LARP4: variants seen among roughly 807,000 people sequenced by gnomAD.
LARP4 encodes the protein La ribonucleoprotein 4.
A neutral mutation model predicts 92.9 loss-of-function variants in LARP4; 29 were observed. The ratio of observed to expected loss-of-function variants is 0.31; its 90% CI spans 0.23 to 0.43. The LOEUF (loss-of-function observed/expected upper bound fraction) is 0.43, where lower values mean the gene tolerates loss of function less well. LARP4 is among the 20% of genes least tolerant of loss of function. The probability of loss-of-function intolerance (pLI) is 1.00; values close to 1 mark genes in which losing one functional copy is unlikely to be tolerated. For synonymous variants in LARP4, 279 were observed against 284.1 expected (o/e 0.98, Z 0.18); for missense variants, 732 against 860.0 (o/e 0.85, Z 1.86).
intron 4 of LARP4, among the ~76,000 whole-genome samples, chr12:50,431,964 T>G (rs7308906): frequency 0.84 from 127,123 of 152,190 alleles, 55,600 homozygotes; most frequent in East Asian, 0.98. Flanking sequence ...TATGGCAAAA[T>G]CCCATCTCTA....
Position 50,461,289 on chromosome 12 carries a change from C to G in LARP4, c.1276C>G (p.Leu426Val). ...TVTGHQEQTY[L>V]QKETSTLQVE... is the part of the protein sequence containing the mutation. Reference sequence around the variant, plus strand: ...AACTGGGCATCAGGAGCAAACTTACCTTCAGAAGGAGACTTCCACTTTGCA... The same window carrying G: ...AACTGGGCATCAGGAGCAAACTTACGTTCAGAAGGAGACTTCCACTTTGCA... The change falls in exon 11 of 16, where the codon CTT (leucine) becomes GTT (valine). Residue 426 changes from leucine (L) to valine (V), a missense_variant. Transcript: ENST00000398473. The G allele has an allele frequency of 6.2e-7, 1 of 1,614,030 alleles. No homozygotes were observed. The highest frequency in any genetic ancestry group is 8.5e-7 in the Non-Finnish European group (1 of 1,180,000).
chr12:50,459,630 C>T (rs543030552), intron 10 of LARP4, among the ~76,000 whole-genome samples: 4 of 152,086 alleles, frequency 2.6e-5, no homozygotes, highest in South Asian at 4.1e-4. Flanking sequence ...TCGAGACCAT[C>T]GTGGCCAACA....
chr12:50,462,107 G>C (rs1955482285), intron 11 of LARP4, among the ~76,000 whole-genome samples: 1 of 152,036 alleles, frequency 6.6e-6, no homozygotes, highest in South Asian at 2.1e-4. Flanking sequence ...TAGTAAATTG[G>C]CTCAAGATCC....
chr12:50,432,291 G>C (rs1949776215), intron 4 of LARP4, among the ~76,000 whole-genome samples: 1 of 152,170 alleles, frequency 6.6e-6, no homozygotes, highest in African/African-American at 2.4e-5. Flanking sequence ...TCTAGACAGA[G>C]TTTGAGCTTT....
chr12:50,446,747 A>G (rs1952262953), intron 8 of LARP4, among the ~76,000 whole-genome samples: 1 of 152,018 alleles, frequency 6.6e-6, no homozygotes, highest in South Asian at 2.1e-4. Context: ...TATTTTTAAA[A>G]TAATGCTGTT....
At chr12:50,418,490 G>C (rs751609962) in intron 1 of LARP4, among the ~76,000 whole-genome samples, 3 of 152,106 alleles carry the variant, frequency 2.0e-5, no homozygotes, top group Non-Finnish European at 2.9e-5. Flanking sequence ...ATTCCTCACG[G>C]CTCTTTTCAG....
At chr12:50,436,875 A>G (rs983475852) in intron 5 of LARP4, among the ~76,000 whole-genome samples, 17 of 152,244 alleles carry the variant, frequency 1.1e-4, no homozygotes, top group Admixed American at 2.0e-4. Context: ...AGGATTACAA[A>G]CATTAATGGA....
intron 4 of LARP4, among the ~76,000 whole-genome samples, chr12:50,431,967 C>T (rs746925358): frequency 6.6e-6 from 1 of 152,108 alleles, no homozygotes; most frequent in Non-Finnish European, 1.5e-5. Flanking sequence ...GGCAAAATCC[C>T]ATCTCTACGA....
chr12:50,400,905 G>C lies in LARP4; in HGVS notation c.-106G>C. ...GGAGGAGCCGGGTCCACTGCCGGGT[G>C]GAGGGGCAAGGCGAGTGTGTGTCCT... is the stretch of plus-strand genomic sequence containing the variant. On this transcript the variant is annotated 5_prime_UTR_variant, in exon 1 of 16. Transcript: ENST00000398473. 1 of 1,505,370 alleles carries C rather than the reference G, an allele frequency of 6.6e-7. No individual in the cohort carries two copies. The highest frequency in any genetic ancestry group is 1.1e-5 in the South Asian group (1 of 88,886). 93.3% of individuals were successfully genotyped at this position (1,505,370 alleles called of 1,614,324 possible). A position where few individuals can be genotyped will look rare whatever the true frequency, so the allele number is the denominator to read the frequency against.
intron 12 of LARP4, among the ~76,000 whole-genome samples, chr12:50,463,723 C>A (rs1449902964): frequency 6.6e-6 from 1 of 152,228 alleles, no homozygotes; most frequent in Admixed American, 6.5e-5. Context: ...AGGCTGCTCT[C>A]ATGGGCCCAT....
chr12:50,436,306 C>G (rs973547185), intron 5 of LARP4, among the ~76,000 whole-genome samples: 1 of 151,690 alleles, frequency 6.6e-6, no homozygotes, highest in Admixed American at 6.6e-5. Flanking sequence ...CGTGAGCCAC[C>G]ACCCCCGGCC....
At chr12:50,426,590 TAA>T (rs1948735792) in intron 1 of LARP4, among the ~76,000 whole-genome samples, 1 of 151,616 alleles carries the variant, frequency 6.6e-6, no homozygotes, top group South Asian at 2.1e-4. Flanking sequence ...GTGTAAGTGA[TAA>T]AATACTCCTC....
In LARP4 at chr12:50,453,658, T is replaced by G; in HGVS notation, c.1003T>G (p.Phe335Val). Residue 335 changes from phenylalanine (F) to valine (V), a missense_variant, in exon 9 of 16, where the codon TTT becomes GTT. Phe to Val is a conservative substitution (Grantham distance 50). This residue lies in a region of LARP4 where 264 missense variants were observed against 269.5 expected (regional missense o/e 0.98). Transcript: ENST00000398473. ...QSWSPNPTPY[F>V]ETPLAPFPNG... ...TTGGTCTCCAAATCCTACACCTTAC[T>G]TTGAAACACCACTGGTAAGTGAGAT... is the stretch of plus-strand genomic sequence containing the variant. 6.3e-7 allele frequency: 1 copy of G among 1,593,668 alleles called. No homozygotes were observed.
At chr12:50,475,307 A>G (rs1214251871) in intron 15 of LARP4, among the ~76,000 whole-genome samples, 1 of 152,194 alleles carries the variant, frequency 6.6e-6, no homozygotes, top group Non-Finnish European at 1.5e-5. Context: ...ATTATAAACA[A>G]CGCTGACATG....
chr12:50,435,132 C>T (rs1406483093), intron 4 of LARP4, among the ~76,000 whole-genome samples: 1 of 152,182 alleles, frequency 6.6e-6, no homozygotes, highest in African/African-American at 2.4e-5. Flanking sequence ...ATTCTAATAT[C>T]ACTGATGAAG....
At chr12:50,422,846 C>A (rs1948059241) in intron 1 of LARP4, among the ~76,000 whole-genome samples, 1 of 149,262 alleles carries the variant, frequency 6.7e-6, no homozygotes, top group South Asian at 2.1e-4. Flanking sequence ...TGAGACGAGT[C>A]CCCCTCTGTC....
At chr12:50,467,915 A>G (rs1247908981) in intron 13 of LARP4, among the ~76,000 whole-genome samples, 1 of 151,406 alleles carries the variant, frequency 6.6e-6, no homozygotes, top group African/African-American at 2.4e-5. Flanking sequence ...TTAATGAAAA[A>G]CCTGCAACTA....
chr12:50,421,642 C>CT (rs1565970065), intron 1 of LARP4, among the ~76,000 whole-genome samples: 6 of 128,380 alleles, frequency 4.7e-5, no homozygotes, highest in African/African-American at 1.8e-4. Context: ...GACTTCATCA[C>CT]AAAATAAATA....
chr12:50,449,556 C>T (rs144110103), intron 8 of LARP4, among the ~76,000 whole-genome samples: 12 of 152,160 alleles, frequency 7.9e-5, no homozygotes, highest in Non-Finnish European at 1.6e-4. Flanking sequence ...AGGCATGATG[C>T]CTTGCTACCT....
Sources: allele counts gnomAD v4.1 joint callset (sites outside exome capture counted in the v4.1 genomes callset), GRCh38; gene constraint gnomAD v4.1.1; regional missense constraint gnomAD v4.1.1; transcripts MANE v1.5; gene names NCBI Gene and HGNC (gene_info 2026-07-23, HGNC 2026-07-21).